YJU2: variants seen among roughly 807,000 people sequenced by gnomAD.
YJU2 encodes YJU2 splicing factor homolog.
Under a neutral mutation model 39.6 loss-of-function variants are expected in YJU2, and 28 were observed. The observed-to-expected ratio is 0.71, with a 90% confidence interval of 0.52 to 0.97. The LOEUF (loss-of-function observed/expected upper bound fraction) is 0.97, where lower values mean the gene tolerates loss of function less well. YJU2 is among the 50% of genes least tolerant of loss of function. The pLI, the probability that YJU2 is intolerant of heterozygous loss-of-function variation, is 0.00. For synonymous variants in YJU2, 184 were observed against 182.4 expected (o/e 1.01, Z -0.07); for missense variants, 328 against 430.4 (o/e 0.76, Z 2.11).
chr19:4,254,047 T>G (rs1343955922), intron 3 of YJU2, among the ~76,000 whole-genome samples: 1 of 152,120 alleles, frequency 6.6e-6, no homozygotes, highest in East Asian at 1.9e-4. Flanking sequence ...TGACCTCCAG[T>G]GATCCACCTG....
intron 6 of YJU2, among the ~76,000 whole-genome samples, chr19:4,266,143 C>T (rs968159407): frequency 3.9e-5 from 6 of 151,978 alleles, no homozygotes; most frequent in African/African-American, 1.4e-4. Flanking sequence ...ATAGTAGAGA[C>T]GGGCTTTCAC....
At chr19:4,251,858 A>G (rs1970979605) in intron 3 of YJU2, among the ~76,000 whole-genome samples, 1 of 151,762 alleles carries the variant, frequency 6.6e-6, no homozygotes, top group African/African-American at 2.4e-5. Context: ...GTGGTGGCTC[A>G]TGCCTGTAAT....
Position 4,247,185 on chromosome 19 carries a change from A to G in YJU2, c.24+15A>G, listed in dbSNP as rs769257935. On this transcript the variant is annotated intron_variant, in intron 1 of 7. Coordinates refer to ENST00000262962, the MANE Select transcript of YJU2 (RefSeq NM_018074.6). ...AAGTATTAAACGTAAGTGTTGGGCG[A>G]CTGGGGCTTTTCAATCGGAGCAGGA... 3 of 1,612,972 alleles carry G rather than the reference A, an allele frequency of 1.9e-6. No homozygotes were observed. Among genetic ancestry groups the G allele is most frequent in the Admixed American group, 3.3e-5 (2 of 59,932 alleles).
chr19:4,257,898 T>C (rs1971034880), intron 4 of YJU2, among the ~76,000 whole-genome samples: 1 of 152,168 alleles, frequency 6.6e-6, no homozygotes, highest in Non-Finnish European at 1.5e-5. Context: ...CCACTGTGCC[T>C]GGCCAAATTT....
intron 6 of YJU2, among the ~76,000 whole-genome samples, chr19:4,262,829 G>A (rs1446576090): frequency 6.6e-6 from 1 of 151,990 alleles, no homozygotes; most frequent in East Asian, 1.9e-4. Flanking sequence ...GACCGCTTGA[G>A]CCCAGAAGGT....
chr19:4,255,939 G>A lies in YJU2; in HGVS notation c.405+1450G>A, dbSNP rs56659129. Reference sequence around the variant, plus strand: ...GGAGAATTGCTTGAACCCAGGAGGCGGAGGTTGCAGTGAGCCAAGATCGCG... The same window carrying A: ...GGAGAATTGCTTGAACCCAGGAGGCAGAGGTTGCAGTGAGCCAAGATCGCG... On this transcript the variant is annotated intron_variant, in intron 4 of 7. Transcript: ENST00000262962. 5.4e-3 allele frequency among the ~76,000 whole-genome samples: 819 copies of A among 151,688 alleles called. 8 individuals are homozygous for A. Among genetic ancestry groups the A allele is most frequent in the African/African-American group, 0.019 (766 of 41,362 alleles).
chr19:4,258,375 A>C lies in YJU2; in HGVS notation c.539A>C (p.Glu180Ala). 6.3e-7 allele frequency: 1 copy of C among 1,598,026 alleles called. No individual in the cohort carries two copies. The highest frequency in any genetic ancestry group is 8.5e-7 in the Non-Finnish European group (1 of 1,174,250). The change falls in exon 5 of 8, where the codon GAG becomes GCG. Residue 180 changes from glutamate to alanine, a missense_variant. Coordinates refer to ENST00000262962, the MANE Select transcript of YJU2 (RefSeq NM_018074.6). Reference protein sequence around the residue: ...EAMLRQHRLSEEERRRQQQEE... With the variant: ...EAMLRQHRLSAEERRRQQQEE... Reference sequence around the variant, plus strand: ...ATGCTGAGGCAGCACCGCCTGTCGGAGGAGGAGCGGCGGAGGCAGCAGCAG... The same window carrying C: ...ATGCTGAGGCAGCACCGCCTGTCGGCGGAGGAGCGGCGGAGGCAGCAGCAG...
chr19:4,251,236 T>A, intron 3 of YJU2, 65 bp downstream of exon 3: 2 of 1,519,016 alleles, frequency 1.3e-6, no homozygotes, highest in Non-Finnish European at 1.8e-6. Flanking sequence ...GGGCGGGCCC[T>A]GGGGTTCCTT....
chr19:4,260,686 CCTGGCT>C (rs1399741049), intron 5 of YJU2, among the ~76,000 whole-genome samples: 1 of 152,028 alleles, frequency 6.6e-6, no homozygotes, highest in Non-Finnish European at 1.5e-5. Flanking sequence ...GTCTCTAACC[CCTGGCT>C]CAAGCGATCC....
At chr19:4,266,299 C>T (rs1046532840) in intron 6 of YJU2, among the ~76,000 whole-genome samples, 3 of 152,112 alleles carry the variant, frequency 2.0e-5, no homozygotes, top group African/African-American at 7.2e-5. Context: ...CAGTGGCCGC[C>T]CCTCACACCG....
At chr19:4,263,073 C>A (rs1051381003) in intron 6 of YJU2, among the ~76,000 whole-genome samples, 3,454 of 104,924 alleles carry the variant, frequency 0.033, no homozygotes, top group Non-Finnish European at 0.036. Flanking sequence ...GACTCTGTCT[C>A]AAAAAAAAAA....
chr19:4,256,169 CAAA>C (rs368146793), intron 4 of YJU2, among the ~76,000 whole-genome samples: 1 of 117,806 alleles, frequency 8.5e-6, no homozygotes, highest in Admixed American at 9.2e-5. Context: ...AAGACTGTCG[CAAA>C]AAAAAAAAAA....
chr19:4,261,860 C>T (rs1175173502), intron 5 of YJU2, 134 bp from the exon 6 acceptor site: 1 of 761,478 alleles, frequency 1.3e-6, no homozygotes, highest in Non-Finnish European at 2.1e-6. Context: ...GCTCCCCCTA[C>T]TCCCTCCCAC....
At chr19:4,266,217 C>T (rs1323989080) in intron 6 of YJU2, among the ~76,000 whole-genome samples, 1 of 152,014 alleles carries the variant, frequency 6.6e-6, no homozygotes, top group African/African-American at 2.4e-5. Flanking sequence ...CCCAAAGTGC[C>T]GGGATTAGAA....
chr19:4,258,308 A>G lies in YJU2; in HGVS notation c.472A>G (p.Lys158Glu). 1 of 1,571,268 alleles carries G rather than the reference A, an allele frequency of 6.4e-7. No individual in the cohort carries two copies. The highest frequency in any genetic ancestry group is 8.6e-7 in the Non-Finnish European group (1 of 1,158,108). The change falls in exon 5 of 8, where the codon AAA becomes GAA. Residue 158 changes from lysine to glutamate, a missense_variant. This residue lies in a region of YJU2 where 244 missense variants were observed against 264.6 expected (regional missense o/e 0.92). Transcript: ENST00000262962. ...MEVLENLQEL[K>E]DLNQRQAHVD... The stretch of plus-strand genomic sequence containing the variant: ...GGTGCTGGAGAACCTCCAGGAGCTG[A>G]AAGACCTGAACCAGCGGCAGGCGCA...
chr19:4,254,752 C>G (rs1221652248), intron 4 of YJU2, among the ~76,000 whole-genome samples: 2 of 151,254 alleles, frequency 1.3e-5, no homozygotes, highest in Non-Finnish European at 2.9e-5. Flanking sequence ...AAACCCTGTT[C>G]CTACTAAAAA....
intron 6 of YJU2, among the ~76,000 whole-genome samples, chr19:4,262,946 C>T (rs985930437): frequency 2.0e-5 from 3 of 151,582 alleles, no homozygotes; most frequent in Non-Finnish European, 4.4e-5. Context: ...CAGTGGCTCA[C>T]GCTTGTAATC....
intron 5 of YJU2, among the ~76,000 whole-genome samples, chr19:4,261,368 G>A (rs975381112): frequency 7.2e-5 from 11 of 152,122 alleles, no homozygotes; most frequent in Admixed American, 2.6e-4. Context: ...GTGCGTGCCT[G>A]TAGTCCTAGC....
chr19:4,249,986 C>T (rs542629068), intron 2 of YJU2, among the ~76,000 whole-genome samples: 4 of 152,062 alleles, frequency 2.6e-5, no homozygotes, highest in Admixed American at 1.3e-4. Flanking sequence ...GGATTGCAGG[C>T]GTGAGCTGCC....
Sources: gnomAD v4.1 joint callset for allele counts (sites outside exome capture counted in the v4.1 genomes callset) on GRCh38, gnomAD v4.1.1 for gene constraint, gnomAD v4.1.1 regional missense constraint, MANE v1.5 for transcripts, NCBI Gene and HGNC (gene_info 2026-07-23, HGNC 2026-07-21) for gene names.